Variants in ADARB2 observed in about 807,000 individuals in gnomAD.
ADARB2 encodes inactive double-stranded RNA-specific editase B2.
A neutral mutation model predicts 62.2 loss-of-function variants in ADARB2; 25 were observed. That is an observed-to-expected ratio of 0.40 (90% CI 0.29 to 0.56). The LOEUF (loss-of-function observed/expected upper bound fraction) is 0.56. Ranked by LOEUF, ADARB2 falls within the 20% of genes least tolerant of loss-of-function variation. The probability of loss-of-function intolerance (pLI) is 0.43; values close to 1 mark genes in which losing one functional copy is unlikely to be tolerated. For synonymous variants in ADARB2, 572 were observed against 500.8 expected, an observed-to-expected ratio of 1.14 and a Z score of -1.90; for missense variants, 1,071 against 1,077.4, an observed-to-expected ratio of 0.99 and a Z score of 0.08.
At chr10:1,289,176 T>G (rs1483660867) in intron 3 of ADARB2, among the ~76,000 whole-genome samples, 2 of 152,160 alleles carry the variant, frequency 1.3e-5, no homozygotes, top group African/African-American at 4.8e-5. Flanking sequence ...TTTCTACTGA[T>G]CATAACTCTT....
At chr10:1,414,353 C>T (rs1056688994) in intron 1 of ADARB2, among the ~76,000 whole-genome samples, 8 of 152,188 alleles carry the variant, frequency 5.3e-5, no homozygotes, top group Admixed American at 5.2e-4. Context: ...ACACCAAGCT[C>T]TGTGCTAAAG....
intron 3 of ADARB2, among the ~76,000 whole-genome samples, chr10:1,281,219 C>G (rs541219734): frequency 6.6e-6 from 1 of 152,308 alleles, no homozygotes; most frequent in South Asian, 2.1e-4. Flanking sequence ...AGATGATGAC[C>G]TCATCTCCAC....
intron 1 of ADARB2, among the ~76,000 whole-genome samples, chr10:1,635,380 A>G (rs1833906668): frequency 6.6e-6 from 1 of 152,212 alleles, no homozygotes; most frequent in South Asian, 2.1e-4. Context: ...TATGTAACTT[A>G]GAATACGTCT....
intron 1 of ADARB2, among the ~76,000 whole-genome samples, chr10:1,553,605 A>G (rs1401592642): frequency 6.6e-6 from 1 of 152,322 alleles, no homozygotes; most frequent in Non-Finnish European, 1.5e-5. Context: ...CCGTCTTGGC[A>G]TTGTTCAGAA....
intron 1 of ADARB2, among the ~76,000 whole-genome samples, chr10:1,436,558 AT>A (rs1830837344): frequency 6.6e-6 from 1 of 152,212 alleles, no homozygotes; most frequent in Non-Finnish European, 1.5e-5. Flanking sequence ...ATAAAAAGGC[AT>A]TTATATTATG....
chr10:1,405,241 C>A (rs757292836), intron 1 of ADARB2, among the ~76,000 whole-genome samples: 5 of 152,218 alleles, frequency 3.3e-5, no homozygotes, highest in Non-Finnish European at 5.9e-5. Context: ...TCCAAAAACT[C>A]ATGAAGCATT....
At chr10:1,730,847 G>A (rs1239589986) in intron 1 of ADARB2, among the ~76,000 whole-genome samples, 2 of 152,078 alleles carry the variant, frequency 1.3e-5, no homozygotes, top group East Asian at 3.8e-4. Flanking sequence ...CAATATATAT[G>A]TATTTTATAA....
At chr10:1,661,326 G>A (rs1178844031) in intron 1 of ADARB2, among the ~76,000 whole-genome samples, 1 of 152,154 alleles carries the variant, frequency 6.6e-6, no homozygotes, top group Non-Finnish European at 1.5e-5. Flanking sequence ...TAGAGGGAGG[G>A]TGGGTTTCCA....
At position 1,464,158 on chromosome 10, in the gene ADARB2, G is replaced by A. The variant is rs573247255; in HGVS notation, c.101-84998C>T. On this transcript the variant is annotated intron_variant, in intron 1 of 9. Transcript: ENST00000381312. ...ACACACTCCCCCACACACGCGCGGG[G>A]GGCAGTCACAGCGGGCAGTGCGCCG... Among the ~76,000 whole-genome samples, 7 of 151,264 alleles carry A rather than the reference G, an allele frequency of 4.6e-5. No individual in the cohort carries two copies. In the South Asian group the frequency reaches 1.5e-3, roughly 32 times the overall value.
intron 3 of ADARB2, among the ~76,000 whole-genome samples, chr10:1,347,216 C>G (rs2805580): frequency 0.56 from 85,641 of 152,098 alleles, 25,451 homozygotes; most frequent in East Asian, 0.93. Context: ...TGGATTTTCC[C>G]TGAAATCCCT....
intron 1 of ADARB2, among the ~76,000 whole-genome samples, chr10:1,567,548 A>G (rs1456825456): frequency 6.6e-6 from 1 of 152,096 alleles, no homozygotes; most frequent in Non-Finnish European, 1.5e-5. Context: ...CTGAAGAGAA[A>G]ATGAAAGGAC....
chr10:1,266,276 T>G (rs1226621317), intron 4 of ADARB2, among the ~76,000 whole-genome samples: 1 of 152,212 alleles, frequency 6.6e-6, no homozygotes, highest in Non-Finnish European at 1.5e-5. Context: ...CCCAGCCTCG[T>G]GCCTGTAGGT....
intron 1 of ADARB2, among the ~76,000 whole-genome samples, chr10:1,613,511 C>G (rs1053862931): frequency 3.3e-5 from 5 of 152,180 alleles, no homozygotes; most frequent in African/African-American, 1.2e-4. Flanking sequence ...TGCAGAGTTT[C>G]CAGCAACTCA....
chr10:1,487,414 C>A (rs1335320901), intron 1 of ADARB2, among the ~76,000 whole-genome samples: 1 of 152,214 alleles, frequency 6.6e-6, no homozygotes, highest in African/African-American at 2.4e-5. Context: ...GGTCTGGGAG[C>A]TGGACTTCTT....
rs552339253 is a variant in ADARB2, at chr10:1,529,286, T to C, written c.101-150126A>G. 4.3e-4 allele frequency among the ~76,000 whole-genome samples: 57 copies of C among 133,306 alleles called. 4 individuals are homozygous for C. In the South Asian group the frequency reaches 0.013, roughly 31 times the overall value. 87.5% of individuals were successfully genotyped at this position (133,306 alleles called of 152,430 possible). ...TGCCCAACACCAATCCTCCAATCAGTCCATGCACCATCCCCAACACAAATC... is the reference window on the plus strand; with the variant it reads ...TGCCCAACACCAATCCTCCAATCAGCCCATGCACCATCCCCAACACAAATC... On this transcript the variant is annotated intron_variant, in intron 1 of 9. Coordinates refer to ENST00000381312, the MANE Select transcript of ADARB2 (RefSeq NM_018702.4).
intron 1 of ADARB2, among the ~76,000 whole-genome samples, chr10:1,628,644 G>A (rs1385693093): frequency 6.6e-6 from 1 of 152,244 alleles, no homozygotes; most frequent in African/African-American, 2.4e-5. Flanking sequence ...GGGTGTGGAA[G>A]TAAGTCAGTT....
intron 1 of ADARB2, among the ~76,000 whole-genome samples, chr10:1,482,691 A>T (rs1351797180): frequency 6.6e-6 from 1 of 152,224 alleles, no homozygotes; most frequent in East Asian, 1.9e-4. Context: ...CACAAAAAAG[A>T]TGAAACACCC....
At chr10:1,462,414 T>C (rs1326509307) in intron 1 of ADARB2, among the ~76,000 whole-genome samples, 1 of 152,288 alleles carries the variant, frequency 6.6e-6, no homozygotes, top group Non-Finnish European at 1.5e-5. Flanking sequence ...CCGCCAGGGC[T>C]GCGTCCTAAC....
chr10:1,271,303 C>T (rs1831260064), intron 3 of ADARB2, among the ~76,000 whole-genome samples: 1 of 152,224 alleles, frequency 6.6e-6, no homozygotes. Flanking sequence ...CCCAGCATTG[C>T]TCTCAGCAGA....
Sources: gnomAD v4.1 joint callset for allele counts (sites outside exome capture counted in the v4.1 genomes callset) on GRCh38, gnomAD v4.1.1 for gene constraint, MANE v1.5 for transcripts, NCBI Gene and HGNC (gene_info 2026-07-23, HGNC 2026-07-21) for gene names.